Variants in TRAPPC9 observed in about 807,000 individuals in gnomAD.
The protein encoded by TRAPPC9 is trafficking protein particle complex subunit 9, also known as IKK2 binding protein.
TRAPPC9 carries 83 observed loss-of-function variants against 124.0 expected under a neutral mutation model. The observed-to-expected ratio is 0.67, with a 90% CI of 0.56 to 0.80. The LOEUF (loss-of-function observed/expected upper bound fraction) is 0.80. Ranked by LOEUF, TRAPPC9 falls within the 30% of genes least tolerant of loss-of-function variation. The probability of loss-of-function intolerance (pLI) is 0.00; values close to 1 mark genes in which losing one functional copy is unlikely to be tolerated. For synonymous variants in TRAPPC9, 638 were observed against 617.5 expected (o/e 1.03, Z -0.49); for missense variants, 1,302 against 1,508.3 (o/e 0.86, Z 2.27).
intron 21 of TRAPPC9, among the ~76,000 whole-genome samples, chr8:139,876,804 G>A (rs111381220): frequency 1.6e-4 from 24 of 152,214 alleles, no homozygotes; most frequent in African/African-American, 5.8e-4. Flanking sequence ...TTGTCCCCAC[G>A]AACCATGTCC....
intron 17 of TRAPPC9, among the ~76,000 whole-genome samples, chr8:140,209,644 T>A (rs555200405): frequency 9.9e-5 from 15 of 152,230 alleles, no homozygotes; most frequent in Non-Finnish European, 1.8e-4. Context: ...TGGAACTGAA[T>A]TGGATTTGCT....
chr8:139,869,042 T>C (rs146659751), intron 21 of TRAPPC9, among the ~76,000 whole-genome samples: 1,970 of 152,054 alleles, frequency 0.013, 28 homozygotes, highest in South Asian at 0.043. Context: ...CAAAAGTATA[T>C]AGAAAAATTA....
chr8:140,283,944 T>C lies in TRAPPC9; in HGVS notation c.2059A>G (p.Thr687Ala). 1 of 1,614,168 alleles carries C rather than the reference T, an allele frequency of 6.2e-7. No homozygotes were observed. Among genetic ancestry groups the C allele is most frequent in the South Asian group, 1.1e-5 (1 of 91,078 alleles). The change falls in exon 14 of 23, where the codon ACA (threonine) becomes GCA (alanine). Residue 687 changes from threonine to alanine, a missense_variant. Coordinates refer to ENST00000438773, the MANE Select transcript of TRAPPC9 (RefSeq NM_001160372.4). ...NLPGIKTSGS[T>A]VEVIPALPRL... Reference sequence around the variant, plus strand: ...GGCAACGCGGGAATGACTTCCACTGTGGAGCCACTGGTTTTTATTCCCGGC... The same window carrying C: ...GGCAACGCGGGAATGACTTCCACTGCGGAGCCACTGGTTTTTATTCCCGGC...
intron 16 of TRAPPC9, among the ~76,000 whole-genome samples, chr8:140,226,674 T>C (rs1198510805): frequency 6.6e-6 from 1 of 150,980 alleles, no homozygotes; most frequent in Non-Finnish European, 1.5e-5. Context: ...CAACCCTCCT[T>C]CCACAACACA....
intron 21 of TRAPPC9, among the ~76,000 whole-genome samples, chr8:139,744,086 C>T (rs985538579): frequency 6.6e-6 from 1 of 152,338 alleles, no homozygotes; most frequent in East Asian, 1.9e-4. Flanking sequence ...CGCATGAACA[C>T]GCACTCACAG....
chr8:140,372,341 C>T (rs924466684), intron 7 of TRAPPC9, among the ~76,000 whole-genome samples: 2 of 152,224 alleles, frequency 1.3e-5, no homozygotes, highest in African/African-American at 2.4e-5. Context: ...AGCTTGAACG[C>T]CCTTCCAACT....
chr8:140,318,194 T>A (rs2066490654), intron 9 of TRAPPC9, among the ~76,000 whole-genome samples: 1 of 152,236 alleles, frequency 6.6e-6, no homozygotes, highest in South Asian at 2.1e-4. Flanking sequence ...AGGATTCATT[T>A]TACAATTCTT....
intron 17 of TRAPPC9, among the ~76,000 whole-genome samples, chr8:140,103,234 T>C (rs1010809731): frequency 3.0e-4 from 46 of 152,342 alleles, no homozygotes; most frequent in African/African-American, 1.1e-3. Context: ...CGAGCTTCCC[T>C]TTTTCAGAAG....
intron 21 of TRAPPC9, among the ~76,000 whole-genome samples, chr8:139,799,473 T>C (rs906830131): frequency 6.6e-6 from 1 of 152,022 alleles, no homozygotes; most frequent in Non-Finnish European, 1.5e-5. Context: ...CAAAACCACA[T>C]CCATGGAGGG....
At position 140,143,479 on chromosome 8, in the gene TRAPPC9, C is replaced by G. The variant is rs558452464; in HGVS notation, c.2556+77980G>C. Among the ~76,000 whole-genome samples the G allele has an allele frequency of 1.1e-4, 17 of 152,330 alleles. No individual in the cohort carries two copies. In the East Asian group the frequency reaches 2.3e-3, roughly 21 times the overall value. The stretch of plus-strand genomic sequence containing the variant: ...GATATTTCATATATACAGAAAAATG[C>G]GTAACACATGTAACTTGCATGTAAA... On this transcript the variant is annotated intron_variant, in intron 17 of 22. Coordinates refer to ENST00000438773, the MANE Select transcript of TRAPPC9 (RefSeq NM_001160372.4).
chr8:139,923,724 T>C (rs1308829136), intron 19 of TRAPPC9, among the ~76,000 whole-genome samples: 2 of 152,138 alleles, frequency 1.3e-5, no homozygotes, highest in African/African-American at 4.8e-5. Flanking sequence ...GCCTCAGACA[T>C]AGCAGGTATT....
chr8:140,307,591 G>T (rs765890863), intron 10 of TRAPPC9, among the ~76,000 whole-genome samples: 2 of 152,160 alleles, frequency 1.3e-5, no homozygotes, highest in Non-Finnish European at 2.9e-5. Flanking sequence ...GGCTGACCAA[G>T]CACGAATTTC....
At chr8:140,177,028 A>G (rs2062086293) in intron 17 of TRAPPC9, among the ~76,000 whole-genome samples, 1 of 152,178 alleles carries the variant, frequency 6.6e-6, no homozygotes. Context: ...TAAGAGCTTT[A>G]TGTCTATTCT....
intron 14 of TRAPPC9, among the ~76,000 whole-genome samples, chr8:140,281,307 G>A (rs1316013277): frequency 6.6e-6 from 1 of 152,230 alleles, no homozygotes; most frequent in Admixed American, 6.5e-5. Flanking sequence ...GCTATGGTGA[G>A]CCCTGTGAGC....
At chr8:140,006,211 C>T (rs1056262868) in intron 18 of TRAPPC9, among the ~76,000 whole-genome samples, 1 of 152,128 alleles carries the variant, frequency 6.6e-6, no homozygotes, top group Non-Finnish European at 1.5e-5. Flanking sequence ...TGTGAAGGGT[C>T]TCTGAAGCTT....
At chr8:140,258,626 T>C (rs1390951792) in intron 15 of TRAPPC9, among the ~76,000 whole-genome samples, 2 of 152,216 alleles carry the variant, frequency 1.3e-5, no homozygotes, top group Non-Finnish European at 2.9e-5. Context: ...ACCAAGATCC[T>C]CCTGATGACC....
intron 18 of TRAPPC9, 41 bp from the exon 19 acceptor site, chr8:139,988,877 C>T (rs1332529540): frequency 7.5e-7 from 1 of 1,335,474 alleles, no homozygotes; most frequent in African/African-American, 1.5e-5. Flanking sequence ...CCTCTGACAG[C>T]CAAAGAGGAA....
chr8:140,456,225 G>T (rs2977495), intron 1 of TRAPPC9, among the ~76,000 whole-genome samples: 83,433 of 151,820 alleles, frequency 0.55, 23,099 homozygotes, highest in Non-Finnish European at 0.57. Flanking sequence ...CTGGCCAACA[G>T]AGTGAAACCC....
intron 20 of TRAPPC9, among the ~76,000 whole-genome samples, chr8:139,898,124 G>A (rs1438142213): frequency 6.6e-6 from 1 of 152,222 alleles, no homozygotes; most frequent in Non-Finnish European, 1.5e-5. Flanking sequence ...ACGCAAGTGG[G>A]GCTCCTCCTA....
Sources: allele counts gnomAD v4.1 joint callset (sites outside exome capture counted in the v4.1 genomes callset), GRCh38; gene constraint gnomAD v4.1.1; transcripts MANE v1.5; gene names NCBI Gene and HGNC (gene_info 2026-07-23, HGNC 2026-07-21).